Variants in GLI3 observed in about 807,000 individuals in gnomAD.
The protein encoded by GLI3 is transcription activator GLI3.
In GLI3, 20 loss-of-function variants were observed where a neutral mutation model predicts 100.8. That is an observed-to-expected ratio of 0.20 (90% confidence interval 0.14 to 0.29). GLI3 has a LOEUF of 0.29. Among genes scored for constraint, GLI3 ranks in the 10% least tolerant of loss-of-function variants. The pLI is 1.00. For synonymous variants in GLI3, 938 were observed against 860.5 expected (o/e 1.09, Z -1.58); for missense variants, 2,040 against 2,128.5 (o/e 0.96, Z 0.82).
chr7:42,131,839 G>T (rs1786284545), intron 3 of GLI3, among the ~76,000 whole-genome samples: 1 of 152,090 alleles, frequency 6.6e-6, no homozygotes, highest in African/African-American at 2.4e-5. Context: ...ATTGAAAGAA[G>T]AGGGCAGAGT....
At chr7:42,233,765 T>C (rs139124302) in intron 1 of GLI3, among the ~76,000 whole-genome samples, 4 of 152,284 alleles carry the variant, frequency 2.6e-5, no homozygotes, top group African/African-American at 9.6e-5. Context: ...CAGAAACAGA[T>C]CAATTTTCAT....
chr7:42,098,144 C>T (rs147736785), intron 3 of GLI3, among the ~76,000 whole-genome samples: 6 of 152,128 alleles, frequency 3.9e-5, no homozygotes, highest in East Asian at 1.9e-4. Context: ...CAGAGAGAAA[C>T]GACACGTGAA....
chr7:42,126,086 T>TG (rs1786123563), intron 3 of GLI3, among the ~76,000 whole-genome samples: 1 of 152,158 alleles, frequency 6.6e-6, no homozygotes, highest in Admixed American at 6.6e-5. Flanking sequence ...AACACACATA[T>TG]ACTGCAGGTG....
At chr7:42,075,901 G>A (rs754634193) in intron 4 of GLI3, among the ~76,000 whole-genome samples, 5 of 152,152 alleles carry the variant, frequency 3.3e-5, no homozygotes, top group African/African-American at 1.2e-4. Context: ...TAATAGCCAC[G>A]GAGATGCAAT....
chr7:42,001,567 AAG>A (rs1374225087), intron 10 of GLI3, among the ~76,000 whole-genome samples: 1 of 152,198 alleles, frequency 6.6e-6, no homozygotes, highest in Non-Finnish European at 1.5e-5. Flanking sequence ...AAATGCATAT[AAG>A]AGAAAATAAA....
At chr7:42,155,075 T>G (rs1344723783) in intron 2 of GLI3, among the ~76,000 whole-genome samples, 2 of 152,194 alleles carry the variant, frequency 1.3e-5, no homozygotes, top group Non-Finnish European at 2.9e-5. Context: ...CCTCAAAGAT[T>G]ATGGGATTGC....
At chr7:42,132,346 C>T (rs868419448) in intron 3 of GLI3, among the ~76,000 whole-genome samples, 16 of 152,170 alleles carry the variant, frequency 1.1e-4, no homozygotes, top group Middle Eastern at 3.4e-3. Context: ...CTGATCCGCC[C>T]GCCTTGACCT....
intron 3 of GLI3, among the ~76,000 whole-genome samples, chr7:42,078,936 A>G (rs570108160): frequency 1.4e-4 from 21 of 152,144 alleles, no homozygotes; most frequent in African/African-American, 4.8e-4. Context: ...TCACCGTGTT[A>G]GCCAGGATGG....
chr7:42,049,448 C>G (rs1784309417), intron 4 of GLI3, among the ~76,000 whole-genome samples: 1 of 152,150 alleles, frequency 6.6e-6, no homozygotes, highest in African/African-American at 2.4e-5. Context: ...TGAGGCATCC[C>G]GATGAGCCAC....
Position 42,056,721 on chromosome 7 carries a change from C to T in GLI3, c.474-8025G>A, listed in dbSNP as rs186394626. ...ATCCCAGCACTTTGGGAGGCTGAGT[C>T]GGGTGGATCACCTGAGGTGGAGAGT... On this transcript the variant is annotated intron_variant, in intron 4 of 14. Transcript: ENST00000395925. Among the ~76,000 whole-genome samples the T allele has an allele frequency of 4.4e-3, 667 of 151,768 alleles. 5 individuals carry two copies. Among genetic ancestry groups the T allele is most frequent in the African/African-American group, 0.015 (610 of 41,358 alleles).
At chr7:42,152,428 T>G in intron 2 of GLI3, 1 of 985,488 alleles carries the variant, frequency 1.0e-6, no homozygotes, top group Non-Finnish European at 1.2e-6. Context: ...GCGCAGACCC[T>G]CTAGGAACAT....
At chr7:42,049,956 T>C (rs1784320472) in intron 4 of GLI3, among the ~76,000 whole-genome samples, 1 of 152,202 alleles carries the variant, frequency 6.6e-6, no homozygotes, top group Non-Finnish European at 1.5e-5. Flanking sequence ...CATTTTCTCC[T>C]TGCAAAGCAA....
At chr7:42,182,644 G>GTGTATATA (rs1213633941) in intron 2 of GLI3, among the ~76,000 whole-genome samples, 35 of 51,668 alleles carry the variant, frequency 6.8e-4, no homozygotes, top group East Asian at 8.8e-4. Context: ...ATATGTGTGT[G>GTGTATATA]TATATATATA....
intron 3 of GLI3, among the ~76,000 whole-genome samples, chr7:42,092,485 A>G (rs1267106004): frequency 6.6e-6 from 1 of 152,182 alleles, no homozygotes; most frequent in Non-Finnish European, 1.5e-5. Context: ...GCTGTTCCCA[A>G]CAAAGACTTG....
At chr7:41,993,398 C>CTCGA (rs1411011486) in intron 10 of GLI3, among the ~76,000 whole-genome samples, 2 of 152,172 alleles carry the variant, frequency 1.3e-5, no homozygotes, top group Non-Finnish European at 2.9e-5. Context: ...CATCGCCCCG[C>CTCGA]TCGATCCTGG....
intron 3 of GLI3, among the ~76,000 whole-genome samples, chr7:42,142,869 G>A (rs1786603780): frequency 6.6e-6 from 1 of 150,732 alleles, no homozygotes; most frequent in South Asian, 2.1e-4. Context: ...AACCCGGGAG[G>A]CGGAGCTTGC....
chr7:42,234,489 T>C (rs755863177), intron 1 of GLI3, among the ~76,000 whole-genome samples: 1 of 152,244 alleles, frequency 6.6e-6, no homozygotes, highest in Non-Finnish European at 1.5e-5. Context: ...AAATAATTAA[T>C]GAAATAACTC....
rs540441804 is a variant in GLI3, at chr7:41,966,881, G to C, written c.2432-240C>G. 6.6e-6 allele frequency among the ~76,000 whole-genome samples: 1 copy of C among 152,154 alleles called. No homozygotes were observed. Among genetic ancestry groups the C allele is most frequent in the Admixed American group, 6.5e-5 (1 of 15,274 alleles). ...TGAAGCTTCCTTTACAAAAACAGGG[G>C]CGGCTGGAGATGGCCGCAGGCTGTA... On this transcript the variant is annotated intron_variant, in intron 14 of 14. Transcript: ENST00000395925. The surrounding 1 kb of genome is among the most constrained non-coding windows in gnomAD (Gnocchi z 5.8).
At chr7:42,073,461 A>T (rs1784822002) in intron 4 of GLI3, among the ~76,000 whole-genome samples, 1 of 152,190 alleles carries the variant, frequency 6.6e-6, no homozygotes, top group African/African-American at 2.4e-5. Flanking sequence ...GATTTCCTCT[A>T]CTCATTCAGA....
Sources: gnomAD v4.1 joint callset for allele counts (sites outside exome capture counted in the v4.1 genomes callset) on GRCh38, gnomAD v4.1.1 for gene constraint, Gnocchi (gnomAD v3.1) non-coding constraint, MANE v1.5 for transcripts, NCBI Gene and HGNC (gene_info 2026-07-23, HGNC 2026-07-21) for gene names.